Variants in NAV3 observed in about 807,000 individuals in gnomAD.
NAV3 encodes the protein neuron navigator 3, also known as pore membrane and/or filament interacting like protein 1.
In NAV3, 87 loss-of-function variants were observed where a neutral mutation model predicts 244.7. That is an observed-to-expected ratio of 0.36 (90% CI 0.30 to 0.42). The LOEUF (loss-of-function observed/expected upper bound fraction) is 0.42. NAV3 is among the 20% of genes least tolerant of loss of function. The pLI, the probability that NAV3 is intolerant of heterozygous loss-of-function variation, is 1.00. For missense variants in NAV3, 2,663 were observed against 2,893.3 expected, an observed-to-expected ratio of 0.92 and a Z score of 1.83; for synonymous variants, 1,126 against 1,042.2, an observed-to-expected ratio of 1.08 and a Z score of -1.55.
At chr12:77,893,973 CAG>C (rs1163000784) in intron 1 of NAV3, among the ~76,000 whole-genome samples, 1 of 152,200 alleles carries the variant, frequency 6.6e-6, no homozygotes, top group African/African-American at 2.4e-5. Flanking sequence ...AAGGATGACA[CAG>C]GACAAGTTAT....
chr12:77,777,232 A>G (rs1870407381), intron 2 of NAV3, among the ~76,000 whole-genome samples: 1 of 152,230 alleles, frequency 6.6e-6, no homozygotes, highest in African/African-American at 2.4e-5. Flanking sequence ...GGAGATTAAC[A>G]ATAATAACAA....
intron 2 of NAV3, among the ~76,000 whole-genome samples, chr12:77,820,354 G>A (rs564058609): frequency 3.9e-5 from 6 of 152,178 alleles, no homozygotes; most frequent in African/African-American, 9.6e-5. Context: ...CTAGATCAAG[G>A]CACTGACATC....
intron 9 of NAV3, among the ~76,000 whole-genome samples, chr12:78,028,815 T>C (rs1174938689): frequency 1.3e-5 from 2 of 152,218 alleles, no homozygotes; most frequent in Non-Finnish European, 2.9e-5. Flanking sequence ...CTAGCTGAAA[T>C]TATTATCAAA....
chr12:77,862,730 G>A (rs754628509), intron 1 of NAV3, among the ~76,000 whole-genome samples: 10 of 151,664 alleles, frequency 6.6e-5, no homozygotes, highest in Admixed American at 1.3e-4. Flanking sequence ...TCATTTCATC[G>A]GTGGTGATAT....
In NAV3 at chr12:78,006,733, C is replaced by G. The variant is rs189238808; in HGVS notation, c.1195C>G (p.Pro399Ala). 2 of 1,613,976 alleles carry G rather than the reference C, an allele frequency of 1.2e-6. No homozygotes were observed. The highest frequency in any genetic ancestry group is 2.7e-5 in the African/African-American group (2 of 74,950). The stretch of plus-strand genomic sequence containing the variant: ...AGTCAATGCCCGGACTGCTTTACGC[C>G]CCCCGCAGCCTCCCAGTTCAGGACC... Reference protein sequence around the residue: ...KLVNARTALRPPQPPSSGPSD... With the variant: ...KLVNARTALRAPQPPSSGPSD... Residue 399 changes from proline (P) to alanine (A), a missense_variant, in exon 8 of 40, where the codon CCC (proline) becomes GCC (alanine). Pro to Ala is a conservative substitution (Grantham distance 27). Around this residue, in one of 6 missense-constraint regions of NAV3, gnomAD observed 1,521 missense variants for 1,497.0 expected, o/e 1.02. Transcript: ENST00000397909.
At chr12:77,676,151 C>T (rs1381349532) in intron 2 of NAV3, among the ~76,000 whole-genome samples, 2 of 151,926 alleles carry the variant, frequency 1.3e-5, no homozygotes, top group African/African-American at 2.4e-5. Flanking sequence ...AATAGGTATA[C>T]ATGTGCCATA....
chr12:77,746,800 A>G (rs150328787), intron 2 of NAV3, among the ~76,000 whole-genome samples: 83 of 152,284 alleles, frequency 5.5e-4, no homozygotes, highest in African/African-American at 1.3e-3. Flanking sequence ...CTCTTCTTAC[A>G]TATATCATTT....
Position 78,037,791 on chromosome 12 carries a change from G to A in NAV3, c.2024-12202G>A, listed in dbSNP as rs565213058. ...CACAGATAAGGGATGAATAATGAAGGGCCTCCTGGGTAAATTTTCTGTAGA... is the reference window on the plus strand; with the variant it reads ...CACAGATAAGGGATGAATAATGAAGAGCCTCCTGGGTAAATTTTCTGTAGA... On this transcript the variant is annotated intron_variant, in intron 9 of 39. Transcript: ENST00000397909. Among the ~76,000 whole-genome samples, 8 of 152,136 alleles carry A rather than the reference G, an allele frequency of 5.3e-5. No individual in the cohort carries two copies. In the East Asian group the frequency reaches 1.2e-3, roughly 22 times the overall value.
At chr12:77,659,878 A>T (rs1299217760) in intron 2 of NAV3, among the ~76,000 whole-genome samples, 2 of 147,674 alleles carry the variant, frequency 1.4e-5, no homozygotes, top group African/African-American at 5.0e-5. Flanking sequence ...CAAACACAGC[A>T]TGTTCTCACT....
At chr12:77,978,421 T>C (rs2136238184) in intron 5 of NAV3, among the ~76,000 whole-genome samples, 1 of 152,302 alleles carries the variant, frequency 6.6e-6, no homozygotes, top group South Asian at 2.1e-4. Context: ...CCACAGGTAC[T>C]ACGTATTTGA....
At chr12:78,144,565 G>A (rs1329774582) in intron 20 of NAV3, among the ~76,000 whole-genome samples, 3 of 151,958 alleles carry the variant, frequency 2.0e-5, no homozygotes, top group Non-Finnish European at 4.4e-5. Flanking sequence ...GCAAATAATA[G>A]TTTTGAAAAA....
Position 77,968,635 on chromosome 12 carries a change from C to G in NAV3, c.604C>G (p.Arg202Gly), listed in dbSNP as rs1480204948. 1 of 1,614,086 alleles carries G rather than the reference C, an allele frequency of 6.2e-7. No homozygotes were observed. The highest frequency in any genetic ancestry group is 8.5e-7 in the Non-Finnish European group (1 of 1,179,984). The change falls in exon 5 of 40, where the codon CGA (arginine) becomes GGA (glycine). Residue 202 changes from arginine (R) to glycine (G), a missense_variant. Around this residue, in one of 6 missense-constraint regions of NAV3, gnomAD observed 1,521 missense variants for 1,497.0 expected, o/e 1.02. Transcript: ENST00000397909. ...YYQSLVELQQ[R>G]VTHASPPSEA... Reference sequence around the variant, plus strand: ...TCAGTCCTTGGTGGAACTTCAGCAGCGAGTTACTCACGCTTCCCCTCCATC... The same window carrying G: ...TCAGTCCTTGGTGGAACTTCAGCAGGGAGTTACTCACGCTTCCCCTCCATC...
At chr12:78,159,165 C>G in intron 22 of NAV3, 38 bp from the exon 23 acceptor site, 1 of 1,566,736 alleles carries the variant, frequency 6.4e-7, no homozygotes, top group Non-Finnish European at 8.7e-7. Context: ...ACATAAGATT[C>G]TGACATTTAA....
chr12:78,053,415 A>T (rs1359309622), intron 11 of NAV3, among the ~76,000 whole-genome samples: 2 of 152,046 alleles, frequency 1.3e-5, no homozygotes, highest in Non-Finnish European at 2.9e-5. Flanking sequence ...GCATTTGGCC[A>T]CAATATTTTT....
intron 19 of NAV3, 24 bp downstream of exon 19, chr12:78,137,389 A>G: frequency 6.4e-7 from 1 of 1,574,192 alleles, no homozygotes; most frequent in East Asian, 2.3e-5. Context: ...GGGATTAAAG[A>G]TGAAGTCACT....
At position 77,831,295 on chromosome 12, in the gene NAV3, A is replaced by G. The variant is rs1336400475; in HGVS notation, c.-167A>G. ...AGAAAAGATACTTAACTAAAGATGC[A>G]GGGAAGTTTTGCCTCTTCCTGAAAA... is the stretch of plus-strand genomic sequence containing the variant. On this transcript the variant is annotated 5_prime_UTR_variant, in exon 1 of 40. Coordinates refer to ENST00000397909, the MANE Select transcript of NAV3 (RefSeq NM_001024383.2). The G allele has an allele frequency of 1.2e-5, 7 of 592,152 alleles. No individual in the cohort carries two copies. The highest frequency in any genetic ancestry group is 1.7e-5 in the Non-Finnish European group (6 of 353,214). 36.7% of individuals were successfully genotyped at this position (592,152 alleles called of 1,614,324 possible). A position where few individuals can be genotyped will look rare whatever the true frequency, so the allele number is the denominator to read the frequency against.
intron 2 of NAV3, among the ~76,000 whole-genome samples, chr12:77,610,854 T>C (rs1592501932): frequency 6.6e-6 from 1 of 151,912 alleles, no homozygotes; most frequent in East Asian, 1.9e-4. Context: ...TAAGAGTCCG[T>C]GTATGTTTGA....
chr12:77,969,419 T>C (rs1892807152), intron 5 of NAV3, among the ~76,000 whole-genome samples: 1 of 152,158 alleles, frequency 6.6e-6, no homozygotes, highest in Non-Finnish European at 1.5e-5. Flanking sequence ...TGATTGAGCA[T>C]ACTGGTTAGG....
intron 19 of NAV3, among the ~76,000 whole-genome samples, chr12:78,138,237 C>T (rs1038989062): frequency 1.3e-5 from 2 of 152,086 alleles, no homozygotes; most frequent in African/African-American, 4.8e-5. Flanking sequence ...AGTCTTCAGC[C>T]ATCCATTTAC....
Sources: allele counts gnomAD v4.1 joint callset (sites outside exome capture counted in the v4.1 genomes callset), GRCh38; gene constraint gnomAD v4.1.1; regional missense constraint gnomAD v4.1.1; transcripts MANE v1.5; gene names NCBI Gene and HGNC (gene_info 2026-07-23, HGNC 2026-07-21).